LHCGR: variants seen among roughly 807,000 people sequenced by gnomAD.
The protein encoded by LHCGR is luteinizing hormone/choriogonadotropin receptor, also known as lutropin-choriogonadotropic hormone receptor.
LHCGR carries 55 observed loss-of-function variants against 60.7 expected under a neutral mutation model. That is an observed-to-expected ratio of 0.91 (90% CI 0.73 to 1.13). LHCGR has a LOEUF of 1.13. LHCGR is among the 50% of genes most tolerant of loss of function. The pLI, the probability that LHCGR is intolerant of heterozygous loss-of-function variation, is 0.00. For missense variants in LHCGR, 862 were observed against 836.0 expected (o/e 1.03, Z -0.38); for synonymous variants, 337 against 316.5 (o/e 1.06, Z -0.69).
In LHCGR at chr2:48,755,616, G is replaced by GGCTGCA. The variant is rs71245621; in HGVS notation, c.50_55dup (p.Leu17_Gln18dup). The stretch of plus-strand genomic sequence containing the variant: ...CTCGCGCAGCGCTCGTGGCAGCGGC[G>GGCTGCA]GCTGCAGCAGCAGCAGCAGCTTCAG... On this transcript the variant is annotated inframe_insertion, in exon 1 of 11. Transcript: ENST00000294954. 0.24 allele frequency: 372,687 copies of GGCTGCA among 1,531,600 alleles called. 47,276 individuals carry two copies. Among genetic ancestry groups the GGCTGCA allele is most frequent in the Middle Eastern group, 0.29 (1,241 of 4,342 alleles). 94.9% of individuals were successfully genotyped at this position (1,531,600 alleles called of 1,614,324 possible).
rs934744634 is a variant in LHCGR at position 48,708,997 on chromosome 2, C to T, written c.631G>A (p.Glu211Lys). ...SLELKENVHL[E>K]KMHNGAFRGA... ...CGGAAGGCTCCATTGTGCATCTTCT[C>T]CAGATGTACGTTTTCCTTTAGCTCC... Residue 211 changes from glutamate (E) to lysine (K), a missense_variant, in exon 8 of 11, where the codon GAG becomes AAG. Coordinates refer to ENST00000294954, the MANE Select transcript of LHCGR (RefSeq NM_000233.4). 2 of 1,614,002 alleles carry T rather than the reference C, an allele frequency of 1.2e-6. No homozygotes were observed. The highest frequency in any genetic ancestry group is 2.2e-5 in the East Asian group (1 of 44,888).
At chr2:48,744,883 G>T (rs1669626922) in intron 1 of LHCGR, among the ~76,000 whole-genome samples, 1 of 152,006 alleles carries the variant, frequency 6.6e-6, no homozygotes. Flanking sequence ...CACAGCAAAA[G>T]AAACTACCAT....
In LHCGR at chr2:48,688,215, T is replaced by C; in HGVS notation, c.1582A>G (p.Ile528Val). The change falls in exon 11 of 11, where the codon ATA (isoleucine) becomes GTA (valine). Residue 528 changes from isoleucine (I) to valine (V), a missense_variant. Coordinates refer to ENST00000294954, the MANE Select transcript of LHCGR (RefSeq NM_000233.4). The surrounding 1 kb of genome is among the most constrained non-coding windows in gnomAD (Gnocchi z 5.2). ...ACATTGAGAATCAGGATGGTTAATA[T>C]ATAGACTTGTGAGAGAGTGGTTTCC... is the stretch of plus-strand genomic sequence containing the variant. Reference protein sequence around the residue: ...DVETTLSQVYILTILILNVVA... With the variant: ...DVETTLSQVYVLTILILNVVA... 1.2e-6 allele frequency: 2 copies of C among 1,614,134 alleles called. No individual in the cohort carries two copies. Among genetic ancestry groups the C allele is most frequent in the Non-Finnish European group, 1.7e-6 (2 of 1,180,018 alleles).
chr2:48,697,848 TA>T (rs1300284126), intron 9 of LHCGR, among the ~76,000 whole-genome samples: 3 of 152,008 alleles, frequency 2.0e-5, no homozygotes, highest in African/African-American at 7.3e-5. Flanking sequence ...TAAAATAAAA[TA>T]GAGTAAAATA....
Position 48,688,884 on chromosome 2 carries a change from T to G in LHCGR, c.948-35A>C. 1.1e-5 allele frequency: 17 copies of G among 1,584,944 alleles called. No individual in the cohort carries two copies. The highest frequency in any genetic ancestry group is 1.3e-5 in the Non-Finnish European group (15 of 1,154,396). ...GAATTATTGGCTTGAGGTAAGGGAT[T>G]TTCTCTGAGTATTAAAAAATTCAAG... On this transcript the variant is annotated intron_variant, in intron 10 of 10. Transcript: ENST00000294954. The surrounding 1 kb of genome is among the most constrained non-coding windows in gnomAD (Gnocchi z 5.2).
intron 1 of LHCGR, among the ~76,000 whole-genome samples, chr2:48,741,189 T>G (rs1469533535): frequency 1.3e-5 from 2 of 152,132 alleles, no homozygotes; most frequent in Non-Finnish European, 2.9e-5. Flanking sequence ...TATGGGACTA[T>G]GTGAAAAGAC....
At chr2:48,714,131 A>G in intron 6 of LHCGR, 77 bp from the exon 7 acceptor site, 1 of 961,164 alleles carries the variant, frequency 1.0e-6, no homozygotes, top group East Asian at 2.5e-5. Context: ...TTCCTCCTGT[A>G]ACATATATTA....
intron 1 of LHCGR, among the ~76,000 whole-genome samples, chr2:48,735,809 A>G (rs1320937403): frequency 6.6e-6 from 1 of 152,200 alleles, no homozygotes; most frequent in Non-Finnish European, 1.5e-5. Flanking sequence ...AATTATGCTT[A>G]TAGACTGATG....
chr2:48,739,011 A>G (rs933409642), intron 1 of LHCGR, among the ~76,000 whole-genome samples: 1 of 152,236 alleles, frequency 6.6e-6, no homozygotes, highest in Admixed American at 6.5e-5. Flanking sequence ...TCCTGATGTC[A>G]TTCATGGTTC....
intron 6 of LHCGR, among the ~76,000 whole-genome samples, chr2:48,716,625 G>C (rs560468007): frequency 6.6e-6 from 1 of 152,166 alleles, no homozygotes; most frequent in Non-Finnish European, 1.5e-5. Context: ...GTTGATGCCT[G>C]TTGTCTTGCA....
intron 8 of LHCGR, among the ~76,000 whole-genome samples, chr2:48,700,395 G>C (rs1287890936): frequency 1.3e-5 from 2 of 152,160 alleles, no homozygotes; most frequent in African/African-American, 4.8e-5. Context: ...TCAAGTCCTA[G>C]GGGTATAATG....
rs75321984 is a variant in LHCGR at position 48,747,758 on chromosome 2, C to G, written c.161+7753G>C. ...AGCATACTTCTACCTTCTTATCCTT[C>G]TATTAAGTTAATCTCTTATGATTAA... is the stretch of plus-strand genomic sequence containing the variant. On this transcript the variant is annotated intron_variant, in intron 1 of 10. Coordinates refer to ENST00000294954, the MANE Select transcript of LHCGR (RefSeq NM_000233.4). Among the ~76,000 whole-genome samples the G allele has an allele frequency of 1.8e-3, 277 of 152,266 alleles. 8 individuals carry two copies. In the East Asian group the frequency reaches 0.041, roughly 23 times the overall value.
chr2:48,712,845 T>A (rs924131360), intron 7 of LHCGR, among the ~76,000 whole-genome samples: 1 of 152,194 alleles, frequency 6.6e-6, no homozygotes, highest in Non-Finnish European at 1.5e-5. Flanking sequence ...CTTAAGGTCA[T>A]ACCAGCTGTT....
chr2:48,705,399 A>G (rs899564018), intron 8 of LHCGR, among the ~76,000 whole-genome samples: 2 of 152,182 alleles, frequency 1.3e-5, no homozygotes, highest in East Asian at 1.9e-4. Flanking sequence ...GTAGATGTCT[A>G]TTAGGTCTTC....
At chr2:48,713,688 A>C (rs1382955400) in intron 7 of LHCGR, among the ~76,000 whole-genome samples, 1 of 152,186 alleles carries the variant, frequency 6.6e-6, no homozygotes, top group Non-Finnish European at 1.5e-5. Context: ...ACACACCATC[A>C]ACCTGAGTGA....
intron 6 of LHCGR, among the ~76,000 whole-genome samples, chr2:48,723,083 A>G (rs1338639405): frequency 6.6e-6 from 1 of 152,054 alleles, no homozygotes; most frequent in Non-Finnish European, 1.5e-5. Context: ...ATCCTTCCAA[A>G]CTCTTCTCTG....
Position 48,713,510 on chromosome 2 carries a change from A to G in LHCGR, c.605+476T>C, listed in dbSNP as rs527862247. Among the ~76,000 whole-genome samples the G allele has an allele frequency of 5.3e-5, 8 of 152,262 alleles. No individual in the cohort carries two copies. The East Asian group carries it at 1.5e-3, about 29-fold the overall frequency. On this transcript the variant is annotated intron_variant, in intron 7 of 10. Coordinates refer to ENST00000294954, the MANE Select transcript of LHCGR (RefSeq NM_000233.4). ...TGGGTAGGGTGTGGTGAAAACACAAAGCTCCCTACCTTGTGGAAAATGAGC... is the reference window on the plus strand; with the variant it reads ...TGGGTAGGGTGTGGTGAAAACACAAGGCTCCCTACCTTGTGGAAAATGAGC...
At chr2:48,698,109 C>T (rs534560103) in intron 9 of LHCGR, among the ~76,000 whole-genome samples, 13 of 152,174 alleles carry the variant, frequency 8.5e-5, no homozygotes, top group Non-Finnish European at 1.3e-4. Context: ...CTTCCTGTTC[C>T]CATGCTAAGC....
At chr2:48,744,756 A>G (rs1353962490) in intron 1 of LHCGR, among the ~76,000 whole-genome samples, 2 of 150,730 alleles carry the variant, frequency 1.3e-5, no homozygotes, top group Non-Finnish European at 2.9e-5. Context: ...AAGAAAACCC[A>G]GGCATTACCA....
Sources: allele counts gnomAD v4.1 joint callset (sites outside exome capture counted in the v4.1 genomes callset), GRCh38; gene constraint gnomAD v4.1.1; non-coding constraint Gnocchi (gnomAD v3.1); transcripts MANE v1.5; gene names NCBI Gene and HGNC (gene_info 2026-07-23, HGNC 2026-07-21).